The following EYS variants were observed in gnomAD, a reference collection of about 807,000 sequenced individuals.
EYS encodes the protein protein eyes shut homolog.
EYS carries 250 observed loss-of-function variants against 282.1 expected under a neutral mutation model. That is an observed-to-expected ratio of 0.89 (90% confidence interval 0.80 to 0.98). The LOEUF is 0.98. Ranked by LOEUF, EYS falls within the 50% of genes least tolerant of loss-of-function variation. EYS has a pLI of 0.00. For missense variants in EYS, 4,016 were observed against 3,709.0 expected (o/e 1.08, Z -2.15); for synonymous variants, 1,355 against 1,282.9 (o/e 1.06, Z -1.20).
chr6:63,859,479 A>T (rs931156608), intron 36 of EYS, among the ~76,000 whole-genome samples: 1 of 152,038 alleles, frequency 6.6e-6, no homozygotes, highest in Non-Finnish European at 1.5e-5. Flanking sequence ...TAAGTTGGGA[A>T]GATAAGGTAA....
At chr6:65,459,544 ATC>A (rs1429595359) in intron 5 of EYS, among the ~76,000 whole-genome samples, 1 of 152,020 alleles carries the variant, frequency 6.6e-6, no homozygotes, top group Non-Finnish European at 1.5e-5. Flanking sequence ...GATATTTTAA[ATC>A]TGACAATTTA....
intron 41 of EYS, among the ~76,000 whole-genome samples, chr6:63,742,206 G>C (rs1182483386): frequency 6.6e-6 from 1 of 152,074 alleles, no homozygotes; most frequent in Non-Finnish European, 1.5e-5. Context: ...ATTTCCTCTT[G>C]AGACAACTTA....
At chr6:64,161,981 G>A (rs1208709553) in intron 31 of EYS, among the ~76,000 whole-genome samples, 1 of 152,088 alleles carries the variant, frequency 6.6e-6, no homozygotes, top group Non-Finnish European at 1.5e-5. Flanking sequence ...TTTGGTTTGT[G>A]GGAATTTCCA....
intron 29 of EYS, among the ~76,000 whole-genome samples, chr6:64,314,986 G>A (rs1440175196): frequency 6.6e-6 from 1 of 151,998 alleles, no homozygotes; most frequent in Admixed American, 6.6e-5. Flanking sequence ...GAATTCAGGA[G>A]CTGGTTTTTT....
chr6:65,013,100 G>T (rs1002198722), intron 13 of EYS, among the ~76,000 whole-genome samples: 3 of 152,100 alleles, frequency 2.0e-5, no homozygotes, highest in Non-Finnish European at 2.9e-5. Context: ...TGTCTTTAAT[G>T]AAAAGTTCCC....
intron 14 of EYS, among the ~76,000 whole-genome samples, chr6:64,982,763 G>T (rs1350296802): frequency 6.6e-6 from 1 of 151,110 alleles, no homozygotes; most frequent in Non-Finnish European, 1.5e-5. Context: ...AAATATTAAA[G>T]ATTTTGTTTA....
At position 64,591,277 on chromosome 6, in the gene EYS, A is replaced by T. The variant is rs1460734298; in HGVS notation, c.4590T>A (p.Thr1530=). The T allele has an allele frequency of 1.3e-6, 2 of 1,551,376 alleles. No homozygotes were observed. The highest frequency in any genetic ancestry group is 1.7e-4 in the Middle Eastern group (1 of 5,988). ...AFNPSEYQAI[T]EASSNQRLTN... ...TGAGTCTCTGGTTGCTTGAAGCCTC[A>T]GTAATAGCCTGATATTCACTGGGAT... is the stretch of plus-strand genomic sequence containing the variant. Residue 1530 remains threonine, a synonymous_variant, in exon 26 of 43, where the codon ACT becomes ACA. Transcript: ENST00000503581.
chr6:65,088,590 C>T (rs545567932), intron 12 of EYS, among the ~76,000 whole-genome samples: 44 of 152,202 alleles, frequency 2.9e-4, no homozygotes, highest in Non-Finnish European at 5.0e-4. Context: ...CAAGAGGAAG[C>T]GGGGCATGAA....
chr6:65,030,763 C>T (rs1772577263), intron 13 of EYS, among the ~76,000 whole-genome samples: 1 of 152,104 alleles, frequency 6.6e-6, no homozygotes, highest in East Asian at 1.9e-4. Flanking sequence ...GTCTGCGTAA[C>T]AACAAACAAC....
intron 31 of EYS, among the ~76,000 whole-genome samples, chr6:64,223,020 C>T (rs924510253): frequency 9.2e-5 from 14 of 151,798 alleles, no homozygotes; most frequent in Non-Finnish European, 1.0e-4. Flanking sequence ...AACTTTCTTT[C>T]CTCTGCTTTT....
intron 12 of EYS, among the ~76,000 whole-genome samples, chr6:65,120,842 T>C (rs957643891): frequency 2.6e-5 from 4 of 152,182 alleles, no homozygotes; most frequent in Non-Finnish European, 4.4e-5. Context: ...TGAACATTTT[T>C]ATATTAATAA....
chr6:64,090,127 G>T (rs1772303560), intron 31 of EYS, among the ~76,000 whole-genome samples: 1 of 151,980 alleles, frequency 6.6e-6, no homozygotes, highest in Non-Finnish European at 1.5e-5. Context: ...AATAAAACTA[G>T]GACAAGAAAG....
chr6:64,914,227 G>C (rs1478820573), intron 15 of EYS, among the ~76,000 whole-genome samples: 1 of 152,056 alleles, frequency 6.6e-6, no homozygotes, highest in East Asian at 1.9e-4. Context: ...CCATCAGCTG[G>C]GTAAGTGGAA....
chr6:64,580,874 A>G (rs893959560), intron 26 of EYS, among the ~76,000 whole-genome samples: 3 of 152,098 alleles, frequency 2.0e-5, no homozygotes, highest in Non-Finnish European at 2.9e-5. Flanking sequence ...TATAATTCAT[A>G]GTATTTTTGA....
rs546351672 is a variant in EYS, at chr6:65,240,402, T to C, written c.2023+55461A>G. Among the ~76,000 whole-genome samples the C allele has an allele frequency of 1.6e-3, 251 of 152,268 alleles. 4 individuals carry two copies. The highest frequency in any genetic ancestry group is 6.8e-3 in the Middle Eastern group (2 of 294). The stretch of plus-strand genomic sequence containing the variant: ...CCCAGGTACTGAACATCGTACCTAA[T>C]GGTAGTTTTTTCAGCACTTGCCCAC... On this transcript the variant is annotated intron_variant, in intron 12 of 42. Coordinates refer to ENST00000503581, the MANE Select transcript of EYS (RefSeq NM_001142800.2).
intron 12 of EYS, among the ~76,000 whole-genome samples, chr6:65,066,474 T>G (rs1773749938): frequency 6.6e-6 from 1 of 152,182 alleles, no homozygotes; most frequent in Non-Finnish European, 1.5e-5. Context: ...ATGAATACTT[T>G]TTTGTATAAT....
rs1013962676 is a variant in EYS at position 64,020,465 on chromosome 6, T to C, written c.6726-21282A>G. Among the ~76,000 whole-genome samples, 51 of 152,222 alleles carry C rather than the reference T, an allele frequency of 3.4e-4. 1 individual carries two copies. Among genetic ancestry groups the C allele is most frequent in the Non-Finnish European group, 1.6e-4 (11 of 68,026 alleles). Reference sequence around the variant, plus strand: ...ACCAAACCAAGTCACGAAAACATTGTAACAGACTTCTGTAAAGTATAAGGT... The same window carrying C: ...ACCAAACCAAGTCACGAAAACATTGCAACAGACTTCTGTAAAGTATAAGGT... On this transcript the variant is annotated intron_variant, in intron 33 of 42. Transcript: ENST00000503581.
At chr6:64,391,960 G>A (rs1012669250) in intron 28 of EYS, among the ~76,000 whole-genome samples, 7 of 151,576 alleles carry the variant, frequency 4.6e-5, no homozygotes, top group Non-Finnish European at 1.0e-4. Flanking sequence ...AACAAAAAAA[G>A]GCAGGGGTTG....
At chr6:64,931,423 T>A (rs1461513991) in intron 15 of EYS, among the ~76,000 whole-genome samples, 2 of 152,072 alleles carry the variant, frequency 1.3e-5, no homozygotes, top group Non-Finnish European at 2.9e-5. Flanking sequence ...CAGTGGAAAT[T>A]TGTGGGAAAG....
Sources: allele counts gnomAD v4.1 joint callset (sites outside exome capture counted in the v4.1 genomes callset), GRCh38; gene constraint gnomAD v4.1.1; transcripts MANE v1.5; gene names NCBI Gene and HGNC (gene_info 2026-07-23, HGNC 2026-07-21).